SEPTIN7: variants seen among roughly 807,000 people sequenced by gnomAD.
SEPTIN7 encodes the protein septin 7, also known as septin-7.
A neutral mutation model predicts 63.3 loss-of-function variants in SEPTIN7; 10 were observed. That is an observed-to-expected ratio of 0.16 (90% CI 0.10 to 0.27). SEPTIN7 has a LOEUF of 0.27. Among genes scored for constraint, SEPTIN7 ranks in the 10% least tolerant of loss-of-function variants. SEPTIN7 has a pLI of 1.00. For missense variants in SEPTIN7, 310 were observed against 521.0 expected, an observed-to-expected ratio of 0.59 and a Z score of 3.94; for synonymous variants, 131 against 165.3, an observed-to-expected ratio of 0.79 and a Z score of 1.59.
intron 1 of SEPTIN7, among the ~76,000 whole-genome samples, chr7:35,825,266 A>G (rs1465158616): frequency 6.6e-6 from 1 of 152,196 alleles, no homozygotes; most frequent in African/African-American, 2.4e-5. Context: ...GTTCCTAAGT[A>G]TGGCCAACAA....
Position 35,906,098 on chromosome 7 carries a change from A to T in SEPTIN7, c.*1805A>T, listed in dbSNP as rs1253296171. ...AAATTGTTTGGTTTTAGGGAGGCTA[A>T]CAATAACCTACTGAATTTGGAAAAT... On this transcript the variant is annotated 3_prime_UTR_variant, in exon 14 of 14. Transcript: ENST00000350320. 1 of 152,198 alleles carries T rather than the reference A, an allele frequency of 6.6e-6. No homozygotes were observed. Among genetic ancestry groups the T allele is most frequent in the Non-Finnish European group, 1.5e-5 (1 of 68,040 alleles). 9.4% of individuals were successfully genotyped at this position (152,198 alleles called of 1,614,324 possible).
intron 13 of SEPTIN7, among the ~76,000 whole-genome samples, 176 bp from the exon 14 acceptor site, chr7:35,904,078 A>G (rs1474206024): frequency 1.3e-5 from 2 of 152,152 alleles, no homozygotes; most frequent in Non-Finnish European, 2.9e-5. Context: ...AGAAAATGCT[A>G]TTATAGATTA....
intron 3 of SEPTIN7, among the ~76,000 whole-genome samples, chr7:35,845,034 G>A (rs1784589564): frequency 6.6e-6 from 1 of 151,840 alleles, no homozygotes; most frequent in Non-Finnish European, 1.5e-5. Flanking sequence ...GACGACCCTG[G>A]GCAACAGAGT....
intron 2 of SEPTIN7, chr7:35,831,816 T>G (rs1410604884): frequency 1.2e-5 from 3 of 259,836 alleles, no homozygotes; most frequent in Non-Finnish European, 2.3e-5. Context: ...CATTGTAGAC[T>G]TCTGTTCTTT....
chr7:35,892,171 A>T (rs941420418), intron 11 of SEPTIN7, among the ~76,000 whole-genome samples: 2 of 152,322 alleles, frequency 1.3e-5, no homozygotes, highest in East Asian at 1.9e-4. Context: ...ATCCTGAAGG[A>T]TCAACTATAT....
rs139864917 is a variant in SEPTIN7, at chr7:35,820,004, G to T, written c.62-11488G>T. Among the ~76,000 whole-genome samples, 14 of 150,170 alleles carry T rather than the reference G, an allele frequency of 9.3e-5. No individual in the cohort carries two copies. In the East Asian group the frequency reaches 2.1e-3, roughly 23 times the overall value. ...TGTCTTTTTTTTTTTTTTGAGACAG[G>T]GTCTCACTCTCACTCAGGCTGGAGT... On this transcript the variant is annotated intron_variant, in intron 1 of 13. Coordinates refer to ENST00000350320, the MANE Select transcript of SEPTIN7 (RefSeq NM_001788.6).
intron 3 of SEPTIN7, among the ~76,000 whole-genome samples, chr7:35,842,026 C>G (rs1784432281): frequency 6.6e-6 from 1 of 152,074 alleles, no homozygotes; most frequent in Non-Finnish European, 1.5e-5. Flanking sequence ...CAGTCTAGCA[C>G]CAAAGGAGGT....
At position 35,863,618 on chromosome 7, in the gene SEPTIN7, A is replaced by T; in HGVS notation, c.236A>T (p.Glu79Val). The change falls in exon 4 of 14, where the codon GAG (glutamate) becomes GTG (valine). Residue 79 changes from glutamate to valine, a missense_variant. Glu to Val is a moderately radical substitution (Grantham distance 121). Transcript: ENST00000350320. Reference protein sequence around the residue: ...SLFLTDLYSPEYPGPSHRIKK... With the variant: ...SLFLTDLYSPVYPGPSHRIKK... ...TTCCTCACAGATTTGTATTCTCCAG[A>T]GTATCCAGGTCCTTCTCATAGAATT... The T allele has an allele frequency of 6.3e-7, 1 of 1,586,910 alleles. No individual in the cohort carries two copies. The highest frequency in any genetic ancestry group is 1.3e-5 in the African/African-American group (1 of 74,734).
chr7:35,813,609 A>G (rs1258114113), intron 1 of SEPTIN7, among the ~76,000 whole-genome samples: 1 of 152,198 alleles, frequency 6.6e-6, no homozygotes, highest in Non-Finnish European at 1.5e-5. Flanking sequence ...TCCTGAGCTC[A>G]GGTGATCTGC....
chr7:35,898,500 C>A (rs1788091607), intron 12 of SEPTIN7, 117 bp downstream of exon 12: 3 of 606,972 alleles, frequency 4.9e-6, no homozygotes, highest in South Asian at 6.3e-5. Context: ...AAATTAATAC[C>A]CTAGTGTAAC....
rs148773375 is a variant in SEPTIN7 at position 35,877,349 on chromosome 7, G to C, written c.513-2474G>C. Reference sequence around the variant, plus strand: ...TCCCCCTCACTGTCTCTGTCTTTCTGCCTGTCAGCCTTACTACTACAGTAA... The same window carrying C: ...TCCCCCTCACTGTCTCTGTCTTTCTCCCTGTCAGCCTTACTACTACAGTAA... On this transcript the variant is annotated intron_variant, in intron 6 of 13. Transcript: ENST00000350320. 1.1e-3 allele frequency among the ~76,000 whole-genome samples: 167 copies of C among 152,148 alleles called. 2 individuals carry two copies. The Middle Eastern group carries it at 0.034, about 31-fold the overall frequency.
chr7:35,817,889 G>GTT (rs577855459), intron 1 of SEPTIN7, among the ~76,000 whole-genome samples: 38 of 144,210 alleles, frequency 2.6e-4, no homozygotes, highest in African/African-American at 8.8e-4. Context: ...TTCCTGTAGT[G>GTT]TTTTTTTTTT....
At chr7:35,889,604 C>T (rs1392766956) in intron 10 of SEPTIN7, among the ~76,000 whole-genome samples, 12 of 152,058 alleles carry the variant, frequency 7.9e-5, no homozygotes, top group Non-Finnish European at 1.2e-4. Flanking sequence ...GAGTGCAATG[C>T]GTGATCTTGG....
chr7:35,827,630 A>G (rs1783586916), intron 1 of SEPTIN7, among the ~76,000 whole-genome samples: 1 of 152,094 alleles, frequency 6.6e-6, no homozygotes, highest in African/African-American at 2.4e-5. Context: ...AGCTGGGACT[A>G]CAGGTGTGCG....
chr7:35,883,716 A>T (rs542522058), intron 8 of SEPTIN7, among the ~76,000 whole-genome samples, 175 bp from the exon 9 acceptor site: 2 of 152,030 alleles, frequency 1.3e-5, no homozygotes, highest in Non-Finnish European at 2.9e-5. Flanking sequence ...TGGCAATACC[A>T]TGTGATGGCA....
intron 1 of SEPTIN7, among the ~76,000 whole-genome samples, chr7:35,830,688 G>A (rs1422647337): frequency 2.0e-5 from 3 of 152,100 alleles, no homozygotes; most frequent in Non-Finnish European, 4.4e-5. Context: ...ACTATAAAAC[G>A]GACTCCAGTT....
intron 3 of SEPTIN7, among the ~76,000 whole-genome samples, chr7:35,836,900 C>G (rs552211046): frequency 3.2e-4 from 48 of 152,170 alleles, no homozygotes; most frequent in African/African-American, 1.1e-3. Flanking sequence ...TTTCCTTGAG[C>G]TCTGTATTTT....
intron 10 of SEPTIN7, among the ~76,000 whole-genome samples, chr7:35,889,095 A>G (rs968533074): frequency 3.9e-5 from 6 of 152,208 alleles, no homozygotes; most frequent in Non-Finnish European, 7.3e-5. Flanking sequence ...TTGTACCAAA[A>G]ATGAATGACA....
At chr7:35,816,510 A>G (rs1213017153) in intron 1 of SEPTIN7, among the ~76,000 whole-genome samples, 1 of 152,158 alleles carries the variant, frequency 6.6e-6, no homozygotes, top group African/African-American at 2.4e-5. Context: ...CTTTTTGACT[A>G]TTATGGATAA....
Sources: gnomAD v4.1 joint callset for allele counts (sites outside exome capture counted in the v4.1 genomes callset) on GRCh38, gnomAD v4.1.1 for gene constraint, MANE v1.5 for transcripts, NCBI Gene and HGNC (gene_info 2026-07-23, HGNC 2026-07-21) for gene names.